Variants in BCAT2 observed in about 807,000 individuals in gnomAD.
The protein encoded by BCAT2 is branched chain amino acid transaminase 2.
In BCAT2, 44 loss-of-function variants were observed where a neutral mutation model predicts 52.9. The ratio of observed to expected loss-of-function variants is 0.83; its 90% CI spans 0.65 to 1.07. The LOEUF (loss-of-function observed/expected upper bound fraction) is 1.07. BCAT2 is among the 50% of genes least tolerant of loss of function. The probability of loss-of-function intolerance (pLI) is 0.00; values close to 1 mark genes in which losing one functional copy is unlikely to be tolerated. For synonymous variants in BCAT2, 215 were observed against 217.1 expected, an observed-to-expected ratio of 0.99 and a Z score of 0.08; for missense variants, 478 against 521.8, an observed-to-expected ratio of 0.92 and a Z score of 0.82.
rs548470781 is a variant in BCAT2, at chr19:48,795,595, A to G, written c.1141-131T>C. ...TCACGGGAAATGTAGTCCACTTCCC[A>G]GAGGGCCCCAACAATGATGGGAACG... On this transcript the variant is annotated intron_variant, in intron 10 of 10. Transcript: ENST00000316273. 7.0e-6 allele frequency: 7 copies of G among 1,005,688 alleles called. No individual in the cohort carries two copies. The African/African-American group carries it at 1.1e-4, about 16-fold the overall frequency. The allele number at this position is 1,005,688 out of a possible 1,614,324, so 62.3% of individuals were successfully genotyped here.
At chr19:48,796,046 C>T in intron 10 of BCAT2, 1 of 404,304 alleles carries the variant, frequency 2.5e-6, no homozygotes. Flanking sequence ...GGCCTTTCTC[C>T]CACCAGGGCA....
intron 3 of BCAT2, among the ~76,000 whole-genome samples, chr19:48,803,850 C>G (rs1311368312): frequency 1.3e-5 from 2 of 152,136 alleles, no homozygotes; most frequent in Non-Finnish European, 2.9e-5. Flanking sequence ...TTGCCTGCCA[C>G]TGAATTATGG....
chr19:48,799,640 G>A lies in BCAT2; in HGVS notation c.695+35C>T. On this transcript the variant is annotated intron_variant, in intron 6 of 10. Transcript: ENST00000316273. The surrounding 1 kb of genome is among the most constrained non-coding windows in gnomAD (Gnocchi z 5.5). ...GGTCCCTGTGTCTCCAACGCCCAGT[G>A]CGCCAGTCGTTCTGGGGATGGGGGT... is the stretch of plus-strand genomic sequence containing the variant. 6.5e-7 allele frequency: 1 copy of A among 1,530,264 alleles called. No individual in the cohort carries two copies. Among genetic ancestry groups the A allele is most frequent in the Non-Finnish European group, 8.7e-7 (1 of 1,143,430 alleles). 94.8% of individuals were successfully genotyped at this position (1,530,264 alleles called of 1,614,324 possible).
chr19:48,796,367 G>A lies in BCAT2; in HGVS notation c.1140+61C>T, dbSNP rs554761071. On this transcript the variant is annotated intron_variant, in intron 10 of 10. Transcript: ENST00000316273. ...GCTGGCTGTTAGTCCAGGGGCTCAT[G>A]GGACACCAACTTCTCCAGGGAACAA... 3.0e-4 allele frequency: 484 copies of A among 1,599,232 alleles called. 3 individuals carry two copies. The South Asian group carries it at 5.0e-3, about 17-fold the overall frequency.
At chr19:48,806,205 C>G (rs1269968703) in intron 3 of BCAT2, among the ~76,000 whole-genome samples, 2 of 149,554 alleles carry the variant, frequency 1.3e-5, no homozygotes, top group African/African-American at 2.5e-5. Flanking sequence ...CCAGAAGAAG[C>G]CATGCTTTCT....
Position 48,795,469 on chromosome 19 carries a change from G to C in BCAT2, c.1141-5C>G, listed in dbSNP as rs768653719. The stretch of plus-strand genomic sequence containing the variant: ...CTCGTGGGCTCTGATTCCGTACTGC[G>C]GAACAACGGAGGCAGTGCGTGAGGT... On this transcript the variant is annotated splice_polypyrimidine_tract_variant and splice_region_variant and intron_variant, in intron 10 of 10. Transcript: ENST00000316273. 3.7e-6 allele frequency: 6 copies of C among 1,613,674 alleles called. No individual in the cohort carries two copies. The East Asian group carries it at 6.7e-5, about 18-fold the overall frequency.
chr19:48,796,857 C>G (rs1390306543), intron 8 of BCAT2, 80 bp downstream of exon 8: 2 of 1,594,690 alleles, frequency 1.3e-6, no homozygotes, highest in Non-Finnish European at 1.7e-6. Flanking sequence ...AGAGACATGC[C>G]AGTGTGCCCC....
At chr19:48,795,485 T>C in intron 10 of BCAT2, 21 bp from the exon 11 acceptor site, 1 of 1,613,386 alleles carries the variant, frequency 6.2e-7, no homozygotes, top group Non-Finnish European at 8.5e-7. Context: ...ACGGAGGCAG[T>C]GCGTGAGGTG....
intron 3 of BCAT2, among the ~76,000 whole-genome samples, chr19:48,801,531 GAA>G (rs936274454): frequency 6.6e-6 from 1 of 151,308 alleles, no homozygotes. Context: ...CCTCACACCA[GAA>G]AAAATTCCAG....
intron 1 of BCAT2, 83 bp downstream of exon 1, chr19:48,810,901 G>A: frequency 6.4e-7 from 1 of 1,560,536 alleles, no homozygotes; most frequent in South Asian, 1.2e-5. Flanking sequence ...CGCCGAGTCG[G>A]ACCGGCTGCA....
chr19:48,795,594 C>T, intron 10 of BCAT2, 130 bp from the exon 11 acceptor site: 1 of 1,010,436 alleles, frequency 9.9e-7, no homozygotes, highest in Non-Finnish European at 1.5e-6. Flanking sequence ...GTCCACTTCC[C>T]AGAGGGCCCC....
chr19:48,797,392 C>G, intron 6 of BCAT2, 59 bp from the exon 7 acceptor site: 1 of 1,596,588 alleles, frequency 6.3e-7, no homozygotes, highest in Non-Finnish European at 8.6e-7. Flanking sequence ...CCCAGCCCAG[C>G]CCCAGAGGAG....
At chr19:48,795,498 A>C (rs369489828) in intron 10 of BCAT2, 34 bp from the exon 11 acceptor site, 55 of 1,612,146 alleles carry the variant, frequency 3.4e-5, no homozygotes, top group Admixed American at 5.0e-5. Context: ...GTGAGGTGGA[A>C]GCTGCACTAC....
At chr19:48,803,655 C>T (rs920392817) in intron 3 of BCAT2, among the ~76,000 whole-genome samples, 6 of 151,740 alleles carry the variant, frequency 4.0e-5, no homozygotes, top group African/African-American at 1.5e-4. Flanking sequence ...CAAAACCAGC[C>T]TGGGTAACAT....
At chr19:48,810,435 G>C (rs2034893360) in intron 1 of BCAT2, among the ~76,000 whole-genome samples, 1 of 152,162 alleles carries the variant, frequency 6.6e-6, no homozygotes, top group South Asian at 2.1e-4. Flanking sequence ...ACCATGAGAC[G>C]CTGCCTCGAT....
chr19:48,810,735 CCTTT>C lies in BCAT2; in HGVS notation c.24+245_24+248del, dbSNP rs2034901640. 1.5e-5 allele frequency: 14 copies of C among 937,352 alleles called. No individual in the cohort carries two copies. In the South Asian group the frequency reaches 1.5e-4, roughly 10 times the overall value. The allele number at this position is 937,352 out of a possible 1,614,324, so 58.1% of individuals were successfully genotyped here. A position where few individuals can be genotyped will look rare whatever the true frequency, so the allele number is the denominator to read the frequency against. ...ATTACAGGGTCCTCCACCATGTTTCCCTTTTTTTTTTTTTTTTTACCTCCCCGCC... is the reference window on the plus strand; with the variant it reads ...ATTACAGGGTCCTCCACCATGTTTCCTTTTTTTTTTTTTTACCTCCCCGCC... On this transcript the variant is annotated intron_variant, in intron 1 of 10. Transcript: ENST00000316273.
intron 3 of BCAT2, among the ~76,000 whole-genome samples, chr19:48,802,411 G>A (rs1011305253): frequency 6.7e-6 from 1 of 148,296 alleles, no homozygotes; most frequent in Non-Finnish European, 1.5e-5. Flanking sequence ...TTAAACAAGT[G>A]ACTAAAGAAG....
In BCAT2 at chr19:48,795,383, C is replaced by T; in HGVS notation, c.*43G>A. On this transcript the variant is annotated 3_prime_UTR_variant, in exon 11 of 11. Transcript: ENST00000316273. ...GGTAGGGAGGCGAGTGCTGGCGTGA[C>T]GAGATGCTACGGGTCGGTGGATCTG... is the stretch of plus-strand genomic sequence containing the variant. The T allele has an allele frequency of 6.2e-7, 1 of 1,613,290 alleles. No homozygotes were observed. Among genetic ancestry groups the T allele is most frequent in the Non-Finnish European group, 8.5e-7 (1 of 1,179,612 alleles).
At position 48,796,511 on chromosome 19, in the gene BCAT2, G is replaced by C. The variant is rs748466142; in HGVS notation, c.1066-9C>G. 1 of 1,612,546 alleles carries C rather than the reference G, an allele frequency of 6.2e-7. No individual in the cohort carries two copies. Among genetic ancestry groups the C allele is most frequent in the African/African-American group, 1.3e-5 (1 of 74,930 alleles). ...GTGGGAATGTGGAGGTTCTGGGACA[G>C]AAGGTGCGGTGAGGACCAAGCCCCT... On this transcript the variant is annotated splice_polypyrimidine_tract_variant and intron_variant, in intron 9 of 10. Coordinates refer to ENST00000316273, the MANE Select transcript of BCAT2 (RefSeq NM_001190.4).
Sources: allele counts gnomAD v4.1 joint callset (sites outside exome capture counted in the v4.1 genomes callset), GRCh38; gene constraint gnomAD v4.1.1; non-coding constraint Gnocchi (gnomAD v3.1); transcripts MANE v1.5; gene names NCBI Gene and HGNC (gene_info 2026-07-23, HGNC 2026-07-21).